GBP5: variants seen among roughly 807,000 people sequenced by gnomAD.
The protein encoded by GBP5 is guanylate binding protein 5, also known as guanylate-binding protein 5.
In GBP5, 48 loss-of-function variants were observed where a neutral mutation model predicts 58.2. The observed-to-expected ratio is 0.83, with a 90% confidence interval of 0.65 to 1.05. GBP5 has a LOEUF of 1.05. Ranked by LOEUF, GBP5 falls within the 50% of genes least tolerant of loss-of-function variation. The pLI, the probability that GBP5 is intolerant of heterozygous loss-of-function variation, is 0.00. For synonymous variants in GBP5, 248 were observed against 251.8 expected (o/e 0.98, Z 0.14); for missense variants, 714 against 686.8 (o/e 1.04, Z -0.44).
chr1:89,267,228 A>C (rs1185577404), intron 5 of GBP5, 75 bp from the exon 6 acceptor site: 16 of 1,300,450 alleles, frequency 1.2e-5, no homozygotes, highest in Non-Finnish European at 1.5e-5. Flanking sequence ...TTTCCCCCAA[A>C]CCTTTATTTT....
rs749722724 is a variant in GBP5, at chr1:89,264,758, C to G, written c.1077G>C (p.Glu359Asp). Residue 359 changes from glutamate to aspartate, a missense_variant, in exon 8 of 12, where the codon GAG (glutamate) becomes GAC (aspartate). By Grantham distance (45) the Glu-to-Asp change is conservative. Transcript: ENST00000370459. ...TCATGAAGACTTCAATGGCCTCCCT[C>G]TCACTGGTCCTGTGCAGGTCCAGCA... ...QELLDLHRTS[E>D]REAIEVFMKN... The G allele has an allele frequency of 6.2e-7, 1 of 1,614,226 alleles. No homozygotes were observed. The highest frequency in any genetic ancestry group is 8.5e-7 in the Non-Finnish European group (1 of 1,180,040).
intron 9 of GBP5, 125 bp from the exon 10 acceptor site, chr1:89,262,910 T>TTG (rs1650066198): frequency 1.7e-6 from 1 of 600,332 alleles, no homozygotes. Flanking sequence ...TAGGAGAGGC[T>TTG]CCATAGGAGA....
At chr1:89,264,629 A>G (rs561833673) in intron 8 of GBP5, 57 bp downstream of exon 8, 1 of 1,491,586 alleles carries the variant, frequency 6.7e-7, no homozygotes, top group South Asian at 1.2e-5. Flanking sequence ...TTATCATTCA[A>G]AGCAATACTT....
chr1:89,268,659 T>C, intron 4 of GBP5, 70 bp downstream of exon 4: 1 of 1,538,988 alleles, frequency 6.5e-7, no homozygotes, highest in Admixed American at 1.7e-5. Context: ...TTTAGAAAAA[T>C]AAACCTAAAA....
Position 89,268,856 on chromosome 1 carries a change from C to T in GBP5, c.191G>A (p.Gly64Asp), listed in dbSNP as rs146345393. The T allele has an allele frequency of 6.2e-7, 1 of 1,613,246 alleles. No individual in the cohort carries two copies. Among genetic ancestry groups the T allele is most frequent in the African/African-American group, 1.3e-5 (1 of 74,846 alleles). The change falls in exon 4 of 12, where the codon GGC (glycine) becomes GAC (aspartate). Residue 64 changes from glycine (G) to aspartate (D), a missense_variant and splice_region_variant. Gly to Asp is a moderately conservative substitution (Grantham distance 94, BLOSUM62 -1). Coordinates refer to ENST00000370459, the MANE Select transcript of GBP5 (RefSeq NM_052942.5). ...CTGCACCGTAGATGCAACAGAGAAG[C>T]CTGTCAGGGGGAGTGAGAGGTTGTA... is the stretch of plus-strand genomic sequence containing the variant. The part of the protein sequence containing the change: ...LMNKLAGKNK[G>D]FSVASTVQSH...
In GBP5 at chr1:89,256,916, C is replaced by T. The variant is rs1346476942; in HGVS notation, c.*3788G>A. 2.6e-5 allele frequency among the ~76,000 whole-genome samples: 4 copies of T among 152,034 alleles called. No individual in the cohort carries two copies. The highest frequency in any genetic ancestry group is 6.5e-5 in the Admixed American group (1 of 15,270). On this transcript the variant is annotated 3_prime_UTR_variant, in exon 12 of 12. Coordinates refer to ENST00000370459, the MANE Select transcript of GBP5 (RefSeq NM_052942.5). ...TTGGACTTTCTATTCTGTTGGTGAT[C>T]GTTATACACTAGAGTCATTACCACA...
rs757583365 is a variant in GBP5 at position 89,267,430 on chromosome 1, T to C, written c.415A>G (p.Ile139Val). The C allele has an allele frequency of 9.9e-6, 16 of 1,612,182 alleles. No homozygotes were observed. The highest frequency in any genetic ancestry group is 2.7e-5 in the African/African-American group (2 of 75,014). The change falls in exon 5 of 12, where the codon ATC becomes GTC. Residue 139 changes from isoleucine to valine, a missense_variant. Transcript: ENST00000370459. ...NTVNKIDQGAIDLLHNVTELT... is the reference protein window; with the variant it reads ...NTVNKIDQGAVDLLHNVTELT... The stretch of plus-strand genomic sequence containing the variant: ...ACAAAAGGATACTGCAGTAGGTCGA[T>C]AGCACCCTGATCAATTTTGTTCACA...
intron 7 of GBP5, among the ~76,000 whole-genome samples, 162 bp downstream of exon 7, chr1:89,266,184 A>G (rs1370227309): frequency 6.6e-6 from 1 of 152,252 alleles, no homozygotes; most frequent in African/African-American, 2.4e-5. Flanking sequence ...ACACTTAGTA[A>G]TATGTGATAC....
rs1450268511 is a variant in GBP5, at chr1:89,258,566, T to C, written c.*2138A>G. On this transcript the variant is annotated 3_prime_UTR_variant, in exon 12 of 12. Transcript: ENST00000370459. Reference sequence around the variant, plus strand: ...GAGTAGCACCACATCCTATCTGATATGAAAAATTCCTCATATTAAAGCTCT... The same window carrying C: ...GAGTAGCACCACATCCTATCTGATACGAAAAATTCCTCATATTAAAGCTCT... 6.6e-6 allele frequency among the ~76,000 whole-genome samples: 1 copy of C among 152,192 alleles called. No homozygotes were observed. The highest frequency in any genetic ancestry group is 2.4e-5 in the African/African-American group (1 of 41,436).
rs1650142168 is a variant in GBP5 at position 89,264,759 on chromosome 1, T to C, written c.1076A>G (p.Glu359Gly). The change falls in exon 8 of 12, where the codon GAG becomes GGG. Residue 359 changes from glutamate (E) to glycine (G), a missense_variant. By Grantham distance (98) the Glu-to-Gly change is moderately conservative. Transcript: ENST00000370459. Reference protein sequence around the residue: ...QELLDLHRTSEREAIEVFMKN... With the variant: ...QELLDLHRTSGREAIEVFMKN... ...CATGAAGACTTCAATGGCCTCCCTC[T>C]CACTGGTCCTGTGCAGGTCCAGCAG... 1 of 1,614,066 alleles carries C rather than the reference T, an allele frequency of 6.2e-7. No individual in the cohort carries two copies. Among genetic ancestry groups the C allele is most frequent in the African/African-American group, 1.3e-5 (1 of 74,926 alleles).
At position 89,263,935 on chromosome 1, in the gene GBP5, G is replaced by C. The variant is rs1386415937; in HGVS notation, c.1163C>G (p.Ala388Gly). The change falls in exon 9 of 12, where the codon GCA becomes GGA. Residue 388 changes from alanine to glycine, a missense_variant. Physicochemically the swap from Ala to Gly is moderately conservative, Grantham distance 60. Transcript: ENST00000370459. ...FQKELETLLD[A>G]KQNDICKRNL... ...CCGTTTACAAATGTCATTCTGTTTT[G>C]CATCTAGTAGAGTCTTCAAAGAGAC... The C allele has an allele frequency of 6.2e-7, 1 of 1,605,124 alleles. No individual in the cohort carries two copies. Among genetic ancestry groups the C allele is most frequent in the Non-Finnish European group, 8.5e-7 (1 of 1,173,966 alleles).
At position 89,267,469 on chromosome 1, in the gene GBP5, A is replaced by T. The variant is rs775114789; in HGVS notation, c.376T>A (p.Phe126Ile). The stretch of plus-strand genomic sequence containing the variant: ...ATTTTGTTCACAGTATTGTACACAA[A>T]GGTGCTGCTCAGTAAGAGTGCCAGT... ...FALALLLSSTFVYNTVNKIDQ... is the reference protein window; with the variant it reads ...FALALLLSSTIVYNTVNKIDQ... The change falls in exon 5 of 12, where the codon TTT becomes ATT. Residue 126 changes from phenylalanine to isoleucine, a missense_variant. Coordinates refer to ENST00000370459, the MANE Select transcript of GBP5 (RefSeq NM_052942.5). 1.2e-6 allele frequency: 2 copies of T among 1,614,064 alleles called. No individual in the cohort carries two copies. Among genetic ancestry groups the T allele is most frequent in the South Asian group, 1.1e-5 (1 of 91,086 alleles).
At position 89,257,919 on chromosome 1, in the gene GBP5, A is replaced by G. The variant is rs1288605534; in HGVS notation, c.*2785T>C. Among the ~76,000 whole-genome samples, 1 of 152,224 alleles carries G rather than the reference A, an allele frequency of 6.6e-6. No individual in the cohort carries two copies. Among genetic ancestry groups the G allele is most frequent in the Non-Finnish European group, 1.5e-5 (1 of 68,032 alleles). On this transcript the variant is annotated 3_prime_UTR_variant, in exon 12 of 12. Transcript: ENST00000370459. ...AGGCTGCATTCCATCTGCAGGCTCTAGGGGAGAATCTATTGCTTTGCTTTT... is the reference window on the plus strand; with the variant it reads ...AGGCTGCATTCCATCTGCAGGCTCTGGGGGAGAATCTATTGCTTTGCTTTT...
intron 6 of GBP5, 87 bp downstream of exon 6, chr1:89,266,870 A>G: frequency 2.2e-6 from 2 of 892,458 alleles, no homozygotes; most frequent in Non-Finnish European, 3.4e-6. Flanking sequence ...TATATATAGA[A>G]AACCATAAAT....
chr1:89,269,734 A>C (rs1650370846), intron 2 of GBP5, 160 bp from the exon 3 acceptor site: 1 of 493,278 alleles, frequency 2.0e-6, no homozygotes, highest in Non-Finnish European at 3.6e-6. Context: ...TGTAAAATAG[A>C]GAGACTTTAT....
Position 89,264,923 on chromosome 1 carries a change from A to C in GBP5, c.912T>G (p.Ser304Arg). 1 of 1,614,208 alleles carries C rather than the reference A, an allele frequency of 6.2e-7. No individual in the cohort carries two copies. The highest frequency in any genetic ancestry group is 8.5e-7 in the Non-Finnish European group (1 of 1,180,004). The part of the protein sequence containing the change: ...LVLTYVNAIS[S>R]GDLPCIENAV... ...CATTCTCTATGCAAGGCAGATCCCC[A>C]CTGCTGATGGCATTGACATAGGTCA... The change falls in exon 8 of 12, where the codon AGT (serine) becomes AGG (arginine). Residue 304 changes from serine to arginine, a missense_variant. Coordinates refer to ENST00000370459, the MANE Select transcript of GBP5 (RefSeq NM_052942.5).
At chr1:89,266,674 A>T (rs1650233963) in intron 6 of GBP5, 86 bp from the exon 7 acceptor site, 1 of 1,235,908 alleles carries the variant, frequency 8.1e-7, no homozygotes, top group Non-Finnish European at 1.1e-6. Context: ...CTTCCACCTG[A>T]TGTCACTTAG....
intron 11 of GBP5, 73 bp from the exon 12 acceptor site, chr1:89,260,890 C>A: frequency 9.7e-7 from 1 of 1,029,566 alleles, no homozygotes. Flanking sequence ...GTCCTTACTT[C>A]TTTTCATCTA....
At chr1:89,264,029 A>T in intron 8 of GBP5, 81 bp from the exon 9 acceptor site, 1 of 914,546 alleles carries the variant, frequency 1.1e-6, no homozygotes, top group Non-Finnish European at 1.7e-6. Flanking sequence ...AAGAATCTAT[A>T]TTTTTTTCTA....
Sources: gnomAD v4.1 joint callset for allele counts (sites outside exome capture counted in the v4.1 genomes callset) on GRCh38, gnomAD v4.1.1 for gene constraint, MANE v1.5 for transcripts, NCBI Gene and HGNC (gene_info 2026-07-23, HGNC 2026-07-21) for gene names.